The following WFIKKN1 variants were observed in gnomAD, a reference collection of about 807,000 sequenced individuals.
WFIKKN1 encodes WAP, Kazal, immunoglobulin, Kunitz and NTR domain-containing protein 1.
WFIKKN1 carries 6 observed loss-of-function variants against 4.6 expected under a neutral mutation model. The ratio of observed to expected loss-of-function variants is 1.31; its 90% CI spans 0.72 to 2.59. WFIKKN1 has a LOEUF of 2.59. WFIKKN1 is among the 30% of genes most tolerant of loss of function. The pLI is 0.00. For missense variants in WFIKKN1, 964 were observed against 818.0 expected (o/e 1.18, Z -2.18); for synonymous variants, 468 against 367.4 (o/e 1.27, Z -3.13).
chr16:631,591 G>T, intron 1 of WFIKKN1, 167 bp downstream of exon 1: 1 of 522,980 alleles, frequency 1.9e-6, no homozygotes, highest in Non-Finnish European at 2.8e-6. Context: ...TTTGTCTTAA[G>T]AATAAGAGCC....
At chr16:632,461 G>A in intron 1 of WFIKKN1, 121 bp from the exon 2 acceptor site, 1 of 1,249,938 alleles carries the variant, frequency 8.0e-7, no homozygotes, top group Non-Finnish European at 1.1e-6. Flanking sequence ...AGTCCCCGGG[G>A]AGGCAGCCAC....
Position 633,716 on chromosome 16 carries a change from G to A in WFIKKN1, c.1306G>A (p.Ala436Thr), listed in dbSNP as rs1292603263. Residue 436 changes from alanine to threonine, a missense_variant, in exon 2 of 2, where the codon GCC becomes ACC. Coordinates refer to ENST00000319070, the MANE Select transcript of WFIKKN1 (RefSeq NM_053284.3). ...LALSLCRSDF[A>T]IVGRLTEVLE... Reference sequence around the variant, plus strand: ...GCTGAGCCTGTGCCGCAGCGACTTCGCCATCGTGGGGCGGCTCACGGAGGT... The same window carrying A: ...GCTGAGCCTGTGCCGCAGCGACTTCACCATCGTGGGGCGGCTCACGGAGGT... The A allele has an allele frequency of 5.7e-6, 9 of 1,586,642 alleles. No individual in the cohort carries two copies. The highest frequency in any genetic ancestry group is 1.3e-5 in the African/African-American group (1 of 74,248).
At chr16:632,476 C>T (rs1486592920) in intron 1 of WFIKKN1, 106 bp from the exon 2 acceptor site, 23 of 1,336,856 alleles carry the variant, frequency 1.7e-5, no homozygotes, top group Admixed American at 7.1e-5. Flanking sequence ...AGCCACAGAG[C>T]GGGGGGCTCC....
intron 1 of WFIKKN1, 112 bp downstream of exon 1, chr16:631,536 C>G (rs1567198292): frequency 7.2e-7 from 1 of 1,394,904 alleles, no homozygotes; most frequent in African/African-American, 1.5e-5. Flanking sequence ...GGGTCTGGGT[C>G]TGGGCCCCTT....
rs755035873 is a variant in WFIKKN1 at position 633,425 on chromosome 16, C to G, written c.1015C>G (p.Arg339Gly). ...GGCCCGTGGCTGTGATGGGGCGGCC[C>G]GCGGCTTTGAGACCTACGAGGCATG... ...FPARGCDGAA[R>G]GFETYEACQQ... The change falls in exon 2 of 2, where the codon CGC (arginine) becomes GGC (glycine). Residue 339 changes from arginine (R) to glycine (G), a missense_variant. Coordinates refer to ENST00000319070, the MANE Select transcript of WFIKKN1 (RefSeq NM_053284.3). The G allele has an allele frequency of 1.9e-6, 3 of 1,547,638 alleles. No homozygotes were observed. The highest frequency in any genetic ancestry group is 1.4e-5 in the African/African-American group (1 of 72,566).
Position 633,463 on chromosome 16 carries a change from T to C in WFIKKN1, c.1053T>C (p.Cys351=), listed in dbSNP as rs970744334. Reference sequence around the variant, plus strand: ...CCTACGAGGCATGCCAGCAGGCCTGTGCCCGCGGCCCCGGCGACGCCTGCG... The same window carrying C: ...CCTACGAGGCATGCCAGCAGGCCTGCGCCCGCGGCCCCGGCGACGCCTGCG... ...FETYEACQQA[C]ARGPGDACVL... is the part of the protein sequence containing the mutation. The change falls in exon 2 of 2, where the codon TGT becomes TGC. Residue 351 remains cysteine (C), a synonymous_variant. Transcript: ENST00000319070. 3 of 1,527,954 alleles carry C rather than the reference T, an allele frequency of 2.0e-6. No individual in the cohort carries two copies. Among genetic ancestry groups the C allele is most frequent in the African/African-American group, 1.4e-5 (1 of 71,022 alleles). The allele number at this position is 1,527,954 out of a possible 1,614,324, so 94.6% of individuals were successfully genotyped here.
In WFIKKN1 at chr16:632,993, C is replaced by A. The variant is rs1284231558; in HGVS notation, c.583C>A (p.Gln195Lys). The A allele has an allele frequency of 1.9e-6, 3 of 1,597,954 alleles. No individual in the cohort carries two copies. The highest frequency in any genetic ancestry group is 2.7e-5 in the African/African-American group (2 of 74,608). The change falls in exon 2 of 2, where the codon CAG becomes AAG. Residue 195 changes from glutamine to lysine, a missense_variant. Transcript: ENST00000319070. ...TGCCCTGTACAGCAGCCCCTCCCCA[C>A]AGGCGGTGCAGGTTGGGGGTACGGC... ...PPALYSSPSP[Q>K]AVQVGGTASL...
rs553077680 is a variant in WFIKKN1 at position 631,227 on chromosome 16, C to G, written c.-27C>G. On this transcript the variant is annotated 5_prime_UTR_variant, in exon 1 of 2. Coordinates refer to ENST00000319070, the MANE Select transcript of WFIKKN1 (RefSeq NM_053284.3). The stretch of plus-strand genomic sequence containing the variant: ...CCGAGGAGGGGCTGGTGGCCACACC[C>G]CCCGGCCCCCTGGCTCGGCGGCCCT... 4 of 1,539,222 alleles carry G rather than the reference C, an allele frequency of 2.6e-6. No individual in the cohort carries two copies. In the East Asian group the frequency reaches 9.8e-5, roughly 38 times the overall value.
chr16:632,460 G>A, intron 1 of WFIKKN1, 122 bp from the exon 2 acceptor site: 5 of 1,249,710 alleles, frequency 4.0e-6, no homozygotes, highest in Non-Finnish European at 5.3e-6. Flanking sequence ...GAGTCCCCGG[G>A]GAGGCAGCCA....
chr16:633,521 T>C lies in WFIKKN1; in HGVS notation c.1111T>C (p.Trp371Arg), dbSNP rs896927364. The C allele has an allele frequency of 4.0e-6, 6 of 1,507,992 alleles. No homozygotes were observed. In the African/African-American group the frequency reaches 8.6e-5, roughly 22 times the overall value. The allele number at this position is 1,507,992 out of a possible 1,614,324, so 93.4% of individuals were successfully genotyped here. A position where few individuals can be genotyped will look rare whatever the true frequency, so the allele number is the denominator to read the frequency against. ...LPAVQGPCRG[W>R]EPRWAYSPLL... ...TGCCGTGCAGGGCCCCTGCCGGGGC[T>C]GGGAGCCGCGCTGGGCCTACAGCCC... Residue 371 changes from tryptophan (W) to arginine (R), a missense_variant, in exon 2 of 2, where the codon TGG (tryptophan) becomes CGG (arginine). By Grantham distance (101) the Trp-to-Arg change is moderately radical. Transcript: ENST00000319070.
In WFIKKN1 at chr16:633,744, TGGA is replaced by T. The variant is rs1356032766; in HGVS notation, c.1339_1341del (p.Glu447del). ...ATCGTGGGGCGGCTCACGGAGGTGC[TGGA>T]GGAGCCCGAGGCCGCCGGCGGCATC... On this transcript the variant is annotated inframe_deletion, in exon 2 of 2. Coordinates refer to ENST00000319070, the MANE Select transcript of WFIKKN1 (RefSeq NM_053284.3). 1 of 1,591,764 alleles carries T rather than the reference TGGA, an allele frequency of 6.3e-7. No individual in the cohort carries two copies. The highest frequency in any genetic ancestry group is 8.5e-7 in the Non-Finnish European group (1 of 1,169,936).
intron 1 of WFIKKN1, chr16:631,673 C>A (rs546743008): frequency 2.7e-6 from 1 of 371,050 alleles, no homozygotes; most frequent in Non-Finnish European, 4.8e-6. Context: ...CGACCACCCC[C>A]ACCCCGTCAC....
At chr16:631,546 T>C in intron 1 of WFIKKN1, 122 bp downstream of exon 1, 1 of 1,274,262 alleles carries the variant, frequency 7.8e-7, no homozygotes, top group Non-Finnish European at 1.0e-6. Context: ...CTGGGCCCCT[T>C]AAGGGGCCCA....
chr16:631,116 G>T lies in WFIKKN1; in HGVS notation c.-138G>T. On this transcript the variant is annotated 5_prime_UTR_variant, in exon 1 of 2. Coordinates refer to ENST00000319070, the MANE Select transcript of WFIKKN1 (RefSeq NM_053284.3). ...TCTGCTGCAGGCTTCAGCCTCAGGG[G>T]CAAAAGGGAGCCCCGGGGTCCTGGT... The T allele has an allele frequency of 2.0e-6, 2 of 1,024,956 alleles. No individual in the cohort carries two copies. Among genetic ancestry groups the T allele is most frequent in the Non-Finnish European group, 2.7e-6 (2 of 730,776 alleles). 63.5% of individuals were successfully genotyped at this position (1,024,956 alleles called of 1,614,324 possible).
In WFIKKN1 at chr16:633,696, G is replaced by A; in HGVS notation, c.1286G>A (p.Ser429Asn). The change falls in exon 2 of 2, where the codon AGC (serine) becomes AAC (asparagine). Residue 429 changes from serine (S) to asparagine (N), a missense_variant. Coordinates refer to ENST00000319070, the MANE Select transcript of WFIKKN1 (RefSeq NM_053284.3). Reference protein sequence around the residue: ...ACRLRSKLALSLCRSDFAIVG... With the variant: ...ACRLRSKLALNLCRSDFAIVG... ...CGCCTCCGGAGCAAGCTGGCGCTGA[G>A]CCTGTGCCGCAGCGACTTCGCCATC... The A allele has an allele frequency of 6.3e-7, 1 of 1,584,470 alleles. No homozygotes were observed. The highest frequency in any genetic ancestry group is 8.6e-7 in the Non-Finnish European group (1 of 1,165,884).
In WFIKKN1 at chr16:633,022, C is replaced by T; in HGVS notation, c.612C>T (p.Ser204=). ...PQAVQVGGTA[S]LHCDVSGRPP... is the part of the protein sequence containing the mutation. ...CGGTGCAGGTTGGGGGTACGGCCAGCCTCCACTGCGACGTCAGCGGCCGCC... is the reference window on the plus strand; with the variant it reads ...CGGTGCAGGTTGGGGGTACGGCCAGTCTCCACTGCGACGTCAGCGGCCGCC... The change falls in exon 2 of 2, where the codon AGC becomes AGT. Residue 204 remains serine (S), a synonymous_variant. Transcript: ENST00000319070. 1.2e-6 allele frequency: 2 copies of T among 1,609,058 alleles called. No individual in the cohort carries two copies. Among genetic ancestry groups the T allele is most frequent in the Non-Finnish European group, 1.7e-6 (2 of 1,178,040 alleles).
chr16:633,074 CAG>C lies in WFIKKN1; in HGVS notation c.667_668del (p.His224ProfsTer10). 3 of 1,612,184 alleles carry C rather than the reference CAG, an allele frequency of 1.9e-6. No homozygotes were observed. Among genetic ancestry groups the C allele is most frequent in the South Asian group, 1.1e-5 (1 of 91,044 alleles). ...GCCGCCTGCTGTGACCTGGGAGAAGCAGAGTCACCAGCGAGAGAACCTGATCA... is the reference window on the plus strand; with the variant it reads ...GCCGCCTGCTGTGACCTGGGAGAAGCAGTCACCAGCGAGAGAACCTGATCA... ...RPPPAVTWEKQSHQRENLIMR... is the reference protein window; with the variant it reads ...RPPPAVTWEKXSHQRENLIMR... On this transcript the variant is annotated frameshift_variant, in exon 2 of 2. Transcript: ENST00000319070. LOFTEE classifies it low-confidence loss of function (END_TRUNC).
chr16:632,403 T>A (rs2036961278), intron 1 of WFIKKN1, 179 bp from the exon 2 acceptor site: 1 of 639,550 alleles, frequency 1.6e-6, no homozygotes, highest in Non-Finnish European at 2.4e-6. Context: ...GTAAGCCAGG[T>A]GGCACCTCTG....
At position 633,645 on chromosome 16, in the gene WFIKKN1, C is replaced by T. The variant is rs1458855344; in HGVS notation, c.1235C>T (p.Pro412Leu). ...RESCEDACPV[P>L]RTPPCRACRL... is the part of the protein sequence containing the mutation. ...AGCTGCGAGGATGCCTGCCCCGTGC[C>T]GCGCACACCGCCCTGCCGCGCCTGC... Residue 412 changes from proline to leucine, a missense_variant, in exon 2 of 2, where the codon CCG (proline) becomes CTG (leucine). By Grantham distance (98) the Pro-to-Leu change is moderately conservative. Coordinates refer to ENST00000319070, the MANE Select transcript of WFIKKN1 (RefSeq NM_053284.3). The T allele has an allele frequency of 1.1e-5, 17 of 1,568,500 alleles. No individual in the cohort carries two copies. The highest frequency in any genetic ancestry group is 1.4e-5 in the African/African-American group (1 of 73,046).
Sources: gnomAD v4.1 joint callset for allele counts on GRCh38, gnomAD v4.1.1 for gene constraint, MANE v1.5 for transcripts, NCBI Gene and HGNC (gene_info 2026-07-23, HGNC 2026-07-21) for gene names.